The following HELZ variants were observed in gnomAD, a reference collection of about 807,000 sequenced individuals.
HELZ encodes ATP-dependent RNA helicase with zinc finger domain.
In HELZ, 23 loss-of-function variants were observed where a neutral mutation model predicts 218.2. The observed-to-expected ratio is 0.11, with a 90% CI of 0.08 to 0.15. The LOEUF (loss-of-function observed/expected upper bound fraction) is 0.15, where lower values mean the gene tolerates loss of function less well. Ranked by LOEUF, HELZ falls within the 10% of genes least tolerant of loss-of-function variation. The pLI is 1.00. For missense variants in HELZ, 1,813 were observed against 2,353.7 expected (o/e 0.77, Z 4.75); for synonymous variants, 814 against 829.4 (o/e 0.98, Z 0.32).
chr17:67,177,537 G>A (rs949964374), intron 13 of HELZ, among the ~76,000 whole-genome samples: 5 of 151,150 alleles, frequency 3.3e-5, no homozygotes, highest in Admixed American at 6.6e-5. Flanking sequence ...CAATATTTAC[G>A]ATTTATCATG....
chr17:67,170,711 T>C (rs2039283430), intron 13 of HELZ, among the ~76,000 whole-genome samples: 1 of 150,522 alleles, frequency 6.6e-6, no homozygotes, highest in Non-Finnish European at 1.5e-5. Flanking sequence ...CTGTAGTCCA[T>C]AGCTACAAGG....
intron 28 of HELZ, 54 bp downstream of exon 28, chr17:67,114,270 A>C: frequency 8.5e-7 from 1 of 1,170,172 alleles, no homozygotes; most frequent in Admixed American, 1.7e-5. Context: ...CAAGATTCCA[A>C]GATGACCAAT....
chr17:67,153,631 A>G (rs2038756161), intron 17 of HELZ, among the ~76,000 whole-genome samples: 3 of 152,222 alleles, frequency 2.0e-5, no homozygotes, highest in Admixed American at 1.3e-4. Context: ...TAACAGATGT[A>G]TAATATGTAG....
chr17:67,193,472 C>T (rs777734856), intron 9 of HELZ, among the ~76,000 whole-genome samples: 1 of 152,010 alleles, frequency 6.6e-6, no homozygotes, highest in Non-Finnish European at 1.5e-5. Context: ...AATCCCAGCA[C>T]TTTGGGAGGC....
At chr17:67,190,658 T>C (rs2039867852) in intron 9 of HELZ, among the ~76,000 whole-genome samples, 1 of 152,172 alleles carries the variant, frequency 6.6e-6, no homozygotes, top group African/African-American at 2.4e-5. Context: ...CTTGGTCATA[T>C]AAGGACTCTT....
At chr17:67,185,369 T>C (rs2039725875) in intron 12 of HELZ, among the ~76,000 whole-genome samples, 4 of 152,230 alleles carry the variant, frequency 2.6e-5, no homozygotes. Context: ...ACACTACTTA[T>C]ATTCTGCTTT....
At chr17:67,198,823 G>A (rs551325447) in intron 7 of HELZ, among the ~76,000 whole-genome samples, 16 of 152,114 alleles carry the variant, frequency 1.1e-4, no homozygotes, top group South Asian at 6.2e-4. Context: ...TTTCCTAAAC[G>A]GTTATCTTTT....
intron 3 of HELZ, among the ~76,000 whole-genome samples, chr17:67,222,100 C>T (rs147835951): frequency 5.3e-5 from 8 of 152,244 alleles, no homozygotes; most frequent in African/African-American, 1.9e-4. Context: ...ACTTGGCCTC[C>T]CAAATGCTGG....
intron 13 of HELZ, among the ~76,000 whole-genome samples, chr17:67,172,769 C>G (rs2039349790): frequency 6.6e-6 from 1 of 152,118 alleles, no homozygotes; most frequent in Admixed American, 6.6e-5. Flanking sequence ...TCACGCCCAG[C>G]TAATTTTTGT....
intron 3 of HELZ, among the ~76,000 whole-genome samples, chr17:67,233,435 G>T (rs1165006431): frequency 1.3e-5 from 2 of 152,076 alleles, no homozygotes; most frequent in African/African-American, 2.4e-5. Flanking sequence ...ACTCTCTATT[G>T]AGCACTGCTG....
intron 9 of HELZ, 82 bp downstream of exon 9, chr17:67,193,885 A>G: frequency 1.0e-6 from 1 of 995,692 alleles, no homozygotes; most frequent in South Asian, 1.4e-5. Context: ...AAAATAAACC[A>G]TTTTACTCCA....
At chr17:67,133,016 A>G (rs2038034581) in intron 23 of HELZ, among the ~76,000 whole-genome samples, 1 of 152,208 alleles carries the variant, frequency 6.6e-6, no homozygotes, top group Non-Finnish European at 1.5e-5. Flanking sequence ...GTAAATTAAT[A>G]TCTAATTAAA....
At chr17:67,216,048 AC>A in intron 4 of HELZ, 113 bp from the exon 5 acceptor site, 1 of 709,658 alleles carries the variant, frequency 1.4e-6, no homozygotes, top group Non-Finnish European at 2.6e-6. Flanking sequence ...AATGTTGTAA[AC>A]TTACTATTCA....
At chr17:67,167,435 ATGGT>A (rs781718540) in intron 14 of HELZ, 24 bp downstream of exon 14, 45 of 1,511,082 alleles carry the variant, frequency 3.0e-5, no homozygotes, top group Non-Finnish European at 1.9e-5. Context: ...ACAGACCACT[ATGGT>A]TAAGCTGCAA....
intron 19 of HELZ, 130 bp from the exon 20 acceptor site, chr17:67,148,844 A>G (rs2038589206): frequency 7.6e-6 from 6 of 793,632 alleles, no homozygotes; most frequent in Non-Finnish European, 1.2e-5. Context: ...TGCTGGGACA[A>G]GCACAATCAG....
chr17:67,209,409 CCA>C (rs2040395888), intron 5 of HELZ, among the ~76,000 whole-genome samples: 1 of 151,990 alleles, frequency 6.6e-6, no homozygotes, highest in Non-Finnish European at 1.5e-5. Context: ...ACCAGCCTGA[CCA>C]GCATGGTGAA....
chr17:67,073,289 G>C lies in HELZ; in HGVS notation c.*4963C>G, dbSNP rs1044877714. 3 of 152,512 alleles carry C rather than the reference G, an allele frequency of 2.0e-5. No homozygotes were observed. The highest frequency in any genetic ancestry group is 6.5e-5 in the Admixed American group (1 of 15,274). The allele number at this position is 152,512 out of a possible 1,614,324, so 9.4% of individuals were successfully genotyped here. A position where few individuals can be genotyped will look rare whatever the true frequency, so the allele number is the denominator to read the frequency against. ...ATGCTAGTATGCAAAGTAAAATACAGAAGAGACCTCATATATGAGGTAGAA... is the reference window on the plus strand; with the variant it reads ...ATGCTAGTATGCAAAGTAAAATACACAAGAGACCTCATATATGAGGTAGAA... On this transcript the variant is annotated 3_prime_UTR_variant, in exon 33 of 33. Coordinates refer to ENST00000358691, the MANE Select transcript of HELZ (RefSeq NM_014877.4).
intron 4 of HELZ, among the ~76,000 whole-genome samples, chr17:67,216,232 A>G (rs945941370): frequency 2.0e-5 from 3 of 152,154 alleles, no homozygotes; most frequent in South Asian, 4.1e-4. Flanking sequence ...CTGAAGCCAC[A>G]AGAAGAGAAT....
intron 4 of HELZ, among the ~76,000 whole-genome samples, chr17:67,217,398 C>G (rs1397390123): frequency 1.3e-5 from 2 of 152,216 alleles, no homozygotes; most frequent in Non-Finnish European, 2.9e-5. Flanking sequence ...CTGAGCCACT[C>G]TGGCCTGGAT....
Sources: gnomAD v4.1 joint callset for allele counts (sites outside exome capture counted in the v4.1 genomes callset) on GRCh38, gnomAD v4.1.1 for gene constraint, MANE v1.5 for transcripts, NCBI Gene and HGNC (gene_info 2026-07-23, HGNC 2026-07-21) for gene names.